Variants in WDR76 observed in about 807,000 individuals in gnomAD.
The protein encoded by WDR76 is WD repeat-containing protein 76.
Under a neutral mutation model 70.2 loss-of-function variants are expected in WDR76, and 52 were observed. The ratio of observed to expected loss-of-function variants is 0.74; its 90% CI spans 0.59 to 0.93. WDR76 has a LOEUF of 0.93. Among genes scored for constraint, WDR76 ranks in the 40% least tolerant of loss-of-function variants. WDR76 has a pLI of 0.00. For synonymous variants in WDR76, 292 were observed against 271.1 expected (o/e 1.08, Z -0.76); for missense variants, 756 against 760.2 (o/e 0.99, Z 0.07).
chr15:43,827,952 T>C lies in WDR76; in HGVS notation c.61-13T>C, dbSNP rs771975759. Reference sequence around the variant, plus strand: ...AGTTCTAATATTCTGTTTTCTTTTATTGATCTGAATAGGTAAATGAATATA... The same window carrying C: ...AGTTCTAATATTCTGTTTTCTTTTACTGATCTGAATAGGTAAATGAATATA... On this transcript the variant is annotated splice_polypyrimidine_tract_variant and intron_variant, in intron 1 of 12. Transcript: ENST00000263795. 1.6e-5 allele frequency: 25 copies of C among 1,578,326 alleles called. No homozygotes were observed. The highest frequency in any genetic ancestry group is 2.1e-5 in the Non-Finnish European group (25 of 1,166,464).
chr15:43,856,346 C>A (rs928401687), intron 9 of WDR76, among the ~76,000 whole-genome samples: 2 of 152,166 alleles, frequency 1.3e-5, no homozygotes, highest in African/African-American at 2.4e-5. Context: ...TATATTTACT[C>A]TTCTACTGAG....
chr15:43,849,276 T>C (rs1022980524), intron 8 of WDR76, among the ~76,000 whole-genome samples: 2 of 152,004 alleles, frequency 1.3e-5, no homozygotes, highest in African/African-American at 2.4e-5. Context: ...AAAAGCATAA[T>C]GACTACAATT....
chr15:43,843,965 C>T lies in WDR76; in HGVS notation c.943C>T (p.Pro315Ser). The change falls in exon 8 of 13, where the codon CCA becomes TCA. Residue 315 changes from proline (P) to serine (S), a missense_variant. Transcript: ENST00000263795. ...TACCGTTTACAAAGTTACCACAGGCCCAATATTCTCTATGGCTCTCCATCC... is the reference window on the plus strand; with the variant it reads ...TACCGTTTACAAAGTTACCACAGGCTCAATATTCTCTATGGCTCTCCATCC... ...EDTVYKVTTGPIFSMALHPSE... is the reference protein window; with the variant it reads ...EDTVYKVTTGSIFSMALHPSE... The T allele has an allele frequency of 6.2e-7, 1 of 1,613,002 alleles. No individual in the cohort carries two copies. Among genetic ancestry groups the T allele is most frequent in the Non-Finnish European group, 8.5e-7 (1 of 1,179,428 alleles).
At chr15:43,864,910 A>G (rs1201725964) in intron 12 of WDR76, among the ~76,000 whole-genome samples, 1 of 151,692 alleles carries the variant, frequency 6.6e-6, no homozygotes, top group Non-Finnish European at 1.5e-5. Context: ...ATGTATATTT[A>G]TTTTATTTTT....
At chr15:43,831,330 G>A (rs956803404) in intron 2 of WDR76, among the ~76,000 whole-genome samples, 1 of 151,966 alleles carries the variant, frequency 6.6e-6, no homozygotes, top group African/African-American at 2.4e-5. Flanking sequence ...AGATGTGGGT[G>A]TGCCATATTT....
rs138950231 is a variant in WDR76 at position 43,862,192 on chromosome 15, C to G, written c.1616+806C>G. 8.4e-4 allele frequency among the ~76,000 whole-genome samples: 124 copies of G among 147,284 alleles called. 2 individuals carry two copies. The highest frequency in any genetic ancestry group is 3.8e-3 in the Middle Eastern group (1 of 262). On this transcript the variant is annotated intron_variant, in intron 12 of 12. Transcript: ENST00000263795. The stretch of plus-strand genomic sequence containing the variant: ...TCAATGCCTTCTCCTTGATATTCCT[C>G]TTTGTCACTATTTATGAAGTTGCGA...
At chr15:43,838,357 T>G (rs1032522121) in intron 4 of WDR76, among the ~76,000 whole-genome samples, 2 of 152,136 alleles carry the variant, frequency 1.3e-5, no homozygotes, top group African/African-American at 2.4e-5. Context: ...TGCTAAATTT[T>G]GTATTTTTAG....
At chr15:43,831,613 T>G (rs2087589657) in intron 2 of WDR76, among the ~76,000 whole-genome samples, 1 of 152,104 alleles carries the variant, frequency 6.6e-6, no homozygotes, top group Non-Finnish European at 1.5e-5. Context: ...TAATTTTTTG[T>G]ATTTTTAGTG....
chr15:43,853,836 GT>G (rs1290644322), intron 9 of WDR76, among the ~76,000 whole-genome samples: 10 of 151,550 alleles, frequency 6.6e-5, no homozygotes, highest in Non-Finnish European at 1.5e-5. Context: ...AACCCGGGAG[GT>G]GGAGTTTGCA....
chr15:43,839,501 T>C, intron 4 of WDR76, 104 bp from the exon 5 acceptor site: 1 of 1,213,856 alleles, frequency 8.2e-7, no homozygotes, highest in East Asian at 2.6e-5. Context: ...ATGCAGTTTA[T>C]AAATATATCT....
In WDR76 at chr15:43,866,421, C is replaced by A. The variant is rs139292711; in HGVS notation, c.*29C>A. ...TTTGGTTTAGGAACATCAATTTGTT[C>A]AAATTGACCACTGTCTAAGGAGCCT... On this transcript the variant is annotated 3_prime_UTR_variant, in exon 13 of 13. Transcript: ENST00000263795. 2.0e-4 allele frequency: 317 copies of A among 1,610,016 alleles called. 1 individual carries two copies. In the African/African-American group the frequency reaches 3.8e-3, roughly 19 times the overall value.
chr15:43,843,934 T>C lies in WDR76; in HGVS notation c.912T>C (p.Ser304=). The change falls in exon 8 of 13, where the codon AGT becomes AGC. Residue 304 remains serine, a synonymous_variant. Transcript: ENST00000263795. ...YKANLNGMVI[S]EDTVYKVTTG... is the part of the protein sequence containing the mutation. Reference sequence around the variant, plus strand: ...CCAATTTAAATGGCATGGTCATTAGTGAAGATACCGTTTACAAAGTTACCA... The same window carrying C: ...CCAATTTAAATGGCATGGTCATTAGCGAAGATACCGTTTACAAAGTTACCA... 1 of 1,606,432 alleles carries C rather than the reference T, an allele frequency of 6.2e-7. No individual in the cohort carries two copies. The highest frequency in any genetic ancestry group is 8.5e-7 in the Non-Finnish European group (1 of 1,175,958).
intron 4 of WDR76, 48 bp downstream of exon 4, chr15:43,836,264 T>G: frequency 6.4e-7 from 1 of 1,559,062 alleles, no homozygotes; most frequent in South Asian, 1.2e-5. Context: ...ATTGCTCAAC[T>G]GTTTTATAAT....
At chr15:43,850,033 C>G (rs1361199478) in intron 8 of WDR76, among the ~76,000 whole-genome samples, 1 of 151,912 alleles carries the variant, frequency 6.6e-6, no homozygotes, top group Non-Finnish European at 1.5e-5. Context: ...ATACTTCTCT[C>G]CATTTTAAAA....
chr15:43,858,577 G>T, intron 10 of WDR76, 94 bp from the exon 11 acceptor site: 1 of 1,470,170 alleles, frequency 6.8e-7, no homozygotes, highest in Admixed American at 2.0e-5. Flanking sequence ...CTTCAGTATA[G>T]CAAGTATGTG....
chr15:43,855,406 C>T (rs957645603), intron 9 of WDR76, among the ~76,000 whole-genome samples: 1 of 152,114 alleles, frequency 6.6e-6, no homozygotes, highest in African/African-American at 2.4e-5. Context: ...ACTCCAAAGC[C>T]CCTGCTCTTA....
At position 43,856,917 on chromosome 15, in the gene WDR76, T is replaced by C. The variant is rs752659498; in HGVS notation, c.1192-29T>C. The C allele has an allele frequency of 5.7e-6, 9 of 1,590,990 alleles. No homozygotes were observed. The African/African-American group carries it at 1.2e-4, about 21-fold the overall frequency. ...GGCTTTCTTTACAAGAAGAGTGTGATATAAGCTGATTGTTACTTATATTCT... is the reference window on the plus strand; with the variant it reads ...GGCTTTCTTTACAAGAAGAGTGTGACATAAGCTGATTGTTACTTATATTCT... On this transcript the variant is annotated intron_variant, in intron 9 of 12. Coordinates refer to ENST00000263795, the MANE Select transcript of WDR76 (RefSeq NM_024908.4).
intron 2 of WDR76, among the ~76,000 whole-genome samples, chr15:43,831,502 G>C (rs548948904): frequency 6.6e-6 from 1 of 151,260 alleles, no homozygotes; most frequent in Non-Finnish European, 1.5e-5. Flanking sequence ...GCAGAGGCAC[G>C]ATCTCAGCTC....
intron 3 of WDR76, 103 bp downstream of exon 3, chr15:43,835,253 G>A: frequency 9.8e-7 from 1 of 1,024,980 alleles, no homozygotes; most frequent in Non-Finnish European, 1.5e-6. Flanking sequence ...AATCGCTTGA[G>A]GCCAGGAGTT....
Sources: gnomAD v4.1 joint callset for allele counts (sites outside exome capture counted in the v4.1 genomes callset) on GRCh38, gnomAD v4.1.1 for gene constraint, MANE v1.5 for transcripts, NCBI Gene and HGNC (gene_info 2026-07-23, HGNC 2026-07-21) for gene names.